The following SERGEF variants were observed in gnomAD, a reference collection of about 807,000 sequenced individuals.
The protein encoded by SERGEF is secretion-regulating guanine nucleotide exchange factor.
A neutral mutation model predicts 50.0 loss-of-function variants in SERGEF; 51 were observed. The observed-to-expected ratio is 1.02, with a 90% CI of 0.81 to 1.29. The LOEUF is 1.29. SERGEF is among the 50% of genes most tolerant of loss of function. SERGEF has a pLI of 0.00. For synonymous variants in SERGEF, 205 were observed against 212.4 expected (o/e 0.97, Z 0.30); for missense variants, 521 against 557.0 (o/e 0.94, Z 0.65).
chr11:17,858,270 G>A (rs550709592), intron 10 of SERGEF, among the ~76,000 whole-genome samples: 2 of 152,160 alleles, frequency 1.3e-5, no homozygotes, highest in African/African-American at 2.4e-5. Flanking sequence ...ATTATCTGGC[G>A]AAACTGACCC....
At chr11:17,890,222 T>G (rs527273945) in intron 9 of SERGEF, among the ~76,000 whole-genome samples, 19 of 152,152 alleles carry the variant, frequency 1.2e-4, no homozygotes, top group Non-Finnish European at 1.5e-4. Context: ...TCAGCAGGAC[T>G]GTGATGCAAT....
chr11:17,846,724 AG>A, intron 10 of SERGEF: 1 of 456,292 alleles, frequency 2.2e-6, no homozygotes. Flanking sequence ...TTTCCACATC[AG>A]CAAAACTGGG....
intron 9 of SERGEF, among the ~76,000 whole-genome samples, chr11:17,881,499 G>A (rs937498978): frequency 3.3e-5 from 5 of 152,238 alleles, no homozygotes; most frequent in South Asian, 2.1e-4. Flanking sequence ...CTCCCTCAGT[G>A]AAACTGTATC....
At chr11:17,899,789 T>TA (rs1370166108) in intron 9 of SERGEF, among the ~76,000 whole-genome samples, 62 of 150,560 alleles carry the variant, frequency 4.1e-4, no homozygotes, top group African/African-American at 1.3e-3. Context: ...CCCCCATCTC[T>TA]AAAAAAAAAT....
At position 18,009,501 on chromosome 11, in the gene SERGEF, C is replaced by G. The variant is rs189398987; in HGVS notation, c.61-1425G>C. ...CCTGGAATTAGTTCTTGTTTCTCCT[C>G]CCCACACCCATGATGGGAAAACCAA... On this transcript the variant is annotated intron_variant, in intron 1 of 10. Coordinates refer to ENST00000265965, the MANE Select transcript of SERGEF (RefSeq NM_012139.4). Among the ~76,000 whole-genome samples the G allele has an allele frequency of 3.7e-3, 571 of 152,294 alleles. 1 individual carries two copies. Among genetic ancestry groups the G allele is most frequent in the Non-Finnish European group, 6.6e-3 (446 of 68,028 alleles).
chr11:18,001,173 G>C (rs1853952538), intron 4 of SERGEF, among the ~76,000 whole-genome samples: 1 of 152,174 alleles, frequency 6.6e-6, no homozygotes, highest in Non-Finnish European at 1.5e-5. Flanking sequence ...TGCAGCTTCT[G>C]ACAATGCTTT....
chr11:17,869,822 A>G (rs1209332386), intron 10 of SERGEF, among the ~76,000 whole-genome samples: 2 of 152,202 alleles, frequency 1.3e-5, no homozygotes. Flanking sequence ...TAATTCCTAG[A>G]GCCTATGAAT....
At chr11:17,957,614 G>C (rs1301211580) in intron 9 of SERGEF, among the ~76,000 whole-genome samples, 2 of 151,968 alleles carry the variant, frequency 1.3e-5, no homozygotes, top group Admixed American at 6.6e-5. Flanking sequence ...GCCAACTTCT[G>C]CCAAACACAA....
At position 17,965,211 on chromosome 11, in the gene SERGEF, T is replaced by C. The variant is rs138764278; in HGVS notation, c.845-5575A>G. On this transcript the variant is annotated intron_variant, in intron 8 of 10. Coordinates refer to ENST00000265965, the MANE Select transcript of SERGEF (RefSeq NM_012139.4). ...GATAGTGAGTTCTCATGAGATCTGA[T>C]AGTTTTGTAAGTGTCTGGCATTTCC... 3.9e-4 allele frequency among the ~76,000 whole-genome samples: 60 copies of C among 152,332 alleles called. 2 individuals carry two copies. In the East Asian group the frequency reaches 0.011, roughly 27 times the overall value.
chr11:17,998,436 CATACATAT>C (rs57553677), intron 5 of SERGEF, among the ~76,000 whole-genome samples: 951 of 45,398 alleles, frequency 0.021, 7 homozygotes, highest in African/African-American at 0.027. Flanking sequence ...TACATACATA[CATACATAT>C]ATATATATAT....
At chr11:17,919,913 TC>T (rs1046125165) in intron 9 of SERGEF, among the ~76,000 whole-genome samples, 10 of 146,108 alleles carry the variant, frequency 6.8e-5, no homozygotes, top group Non-Finnish European at 1.2e-4. Context: ...GCCATTGCAC[TC>T]CAGCCTGGGC....
chr11:17,931,174 A>G (rs1163917936), intron 9 of SERGEF, among the ~76,000 whole-genome samples: 5 of 152,166 alleles, frequency 3.3e-5, no homozygotes, highest in Admixed American at 2.6e-4. Context: ...GTAGAGTATT[A>G]GAAAGACTAA....
intron 10 of SERGEF, among the ~76,000 whole-genome samples, chr11:17,788,646 T>C (rs1434305075): frequency 1.3e-5 from 2 of 152,134 alleles, no homozygotes; most frequent in Admixed American, 6.5e-5. Flanking sequence ...TGACTGCTCA[T>C]GTTCCAAGCG....
intron 9 of SERGEF, among the ~76,000 whole-genome samples, chr11:17,904,384 C>T (rs1851801813): frequency 2.0e-5 from 3 of 152,228 alleles, no homozygotes; most frequent in Admixed American, 2.0e-4. Context: ...GGAAAGACTA[C>T]CCAGCCAGCC....
chr11:17,912,050 T>A (rs1053201833), intron 9 of SERGEF, among the ~76,000 whole-genome samples: 6 of 151,976 alleles, frequency 3.9e-5, no homozygotes, highest in African/African-American at 1.2e-4. Context: ...GGAATACTGA[T>A]TCCAGAATAA....
intron 10 of SERGEF, among the ~76,000 whole-genome samples, chr11:17,831,356 G>C (rs756292920): frequency 6.6e-6 from 1 of 152,150 alleles, no homozygotes; most frequent in African/African-American, 2.4e-5. Flanking sequence ...AGGTCAGCAC[G>C]GGTTGCAGGT....
intron 9 of SERGEF, among the ~76,000 whole-genome samples, chr11:17,897,184 T>C (rs1218497826): frequency 6.6e-6 from 1 of 152,168 alleles, no homozygotes; most frequent in Non-Finnish European, 1.5e-5. Context: ...GAGAGCAGCA[T>C]CTATTGCTGA....
intron 10 of SERGEF, among the ~76,000 whole-genome samples, chr11:17,858,466 G>C (rs1015925936): frequency 1.6e-4 from 24 of 152,220 alleles, no homozygotes; most frequent in African/African-American, 4.3e-4. Context: ...CAGAAGATTA[G>C]GGGAAAAGTT....
intron 6 of SERGEF, among the ~76,000 whole-genome samples, chr11:17,995,079 C>T (rs1256996774): frequency 6.6e-6 from 1 of 151,718 alleles, no homozygotes; most frequent in Non-Finnish European, 1.5e-5. Flanking sequence ...GAAAGGCCCA[C>T]AAGGAGAGCA....
Sources: allele counts gnomAD v4.1 joint callset (sites outside exome capture counted in the v4.1 genomes callset), GRCh38; gene constraint gnomAD v4.1.1; transcripts MANE v1.5; gene names NCBI Gene and HGNC (gene_info 2026-07-23, HGNC 2026-07-21).